The following PKP4 variants were observed in gnomAD, a reference collection of about 807,000 sequenced individuals.
The protein encoded by PKP4 is plakophilin 4.
A neutral mutation model predicts 145.1 loss-of-function variants in PKP4; 90 were observed. The ratio of observed to expected loss-of-function variants is 0.62; its 90% CI spans 0.52 to 0.74. The LOEUF is 0.74. Ranked by LOEUF, PKP4 falls within the 30% of genes least tolerant of loss-of-function variation. The probability of loss-of-function intolerance (pLI) is 0.00; values close to 1 mark genes in which losing one functional copy is unlikely to be tolerated. For missense variants in PKP4, 1,340 were observed against 1,482.7 expected (o/e 0.90, Z 1.58); for synonymous variants, 563 against 577.2 (o/e 0.98, Z 0.35).
intron 2 of PKP4, among the ~76,000 whole-genome samples, chr2:158,537,715 T>C (rs1401697452): frequency 6.6e-6 from 1 of 152,160 alleles, no homozygotes; most frequent in Non-Finnish European, 1.5e-5. Context: ...CCTAGCTTAC[T>C]CTCTTAGTTG....
At chr2:158,562,845 T>C (rs1214010409) in intron 2 of PKP4, among the ~76,000 whole-genome samples, 5 of 152,206 alleles carry the variant, frequency 3.3e-5, no homozygotes, top group African/African-American at 1.2e-4. Flanking sequence ...TTGGGTCCTC[T>C]TGCGTGTTTT....
intron 3 of PKP4, among the ~76,000 whole-genome samples, chr2:158,584,021 G>A (rs1271475051): frequency 6.6e-6 from 1 of 152,154 alleles, no homozygotes; most frequent in Non-Finnish European, 1.5e-5. Flanking sequence ...GACGGGTAAG[G>A]GGGAAGCCGC....
chr2:158,492,141 A>T (rs1695033689), intron 1 of PKP4, among the ~76,000 whole-genome samples: 1 of 151,640 alleles, frequency 6.6e-6, no homozygotes, highest in Admixed American at 6.6e-5. Context: ...TACTTTATAC[A>T]ATTTGGCTCT....
intron 1 of PKP4, among the ~76,000 whole-genome samples, chr2:158,496,118 C>A (rs79141162): frequency 0.033 from 4,970 of 151,412 alleles, 175 homozygotes; most frequent in East Asian, 0.14. Flanking sequence ...GTAGCTGGGA[C>A]TACAGGCACG....
chr2:158,579,323 C>A (rs1027645085), intron 3 of PKP4, among the ~76,000 whole-genome samples: 1 of 151,702 alleles, frequency 6.6e-6, no homozygotes, highest in Admixed American at 6.6e-5. Flanking sequence ...GGAATCCAGA[C>A]GAGAGATTAC....
chr2:158,477,541 T>A (rs1045188298), intron 1 of PKP4, among the ~76,000 whole-genome samples: 1 of 152,130 alleles, frequency 6.6e-6, no homozygotes, highest in African/African-American at 2.4e-5. Flanking sequence ...GCCTGATACC[T>A]CAGGAAGTCA....
At chr2:158,578,532 T>C (rs948804931) in intron 3 of PKP4, among the ~76,000 whole-genome samples, 6 of 152,036 alleles carry the variant, frequency 3.9e-5, no homozygotes, top group Admixed American at 3.3e-4. Context: ...AAACAAAAAT[T>C]AGCTTTAATT....
chr2:158,572,171 G>GA (rs902210534), intron 2 of PKP4, among the ~76,000 whole-genome samples: 6 of 151,848 alleles, frequency 4.0e-5, no homozygotes, highest in East Asian at 3.9e-4. Flanking sequence ...TACTGTCTTT[G>GA]AAAAAAAAGT....
chr2:158,522,239 G>A (rs2042441824), intron 1 of PKP4, among the ~76,000 whole-genome samples: 2 of 152,118 alleles, frequency 1.3e-5, no homozygotes, highest in African/African-American at 4.8e-5. Context: ...GCCATCTCTG[G>A]AAGATTTAAG....
rs182681280 is a variant in PKP4 at position 158,640,823 on chromosome 2, C to T, written c.1695+64C>T. 1.5e-5 allele frequency: 24 copies of T among 1,555,480 alleles called. No homozygotes were observed. The East Asian group carries it at 5.2e-4, about 33-fold the overall frequency. On this transcript the variant is annotated intron_variant, in intron 10 of 21. Coordinates refer to ENST00000389759, the MANE Select transcript of PKP4 (RefSeq NM_003628.6). ...TGCCTTTGCATTTAACAGCCACGTG[C>T]TTCTGTATTTAAGAAATTACCCAGT... is the stretch of plus-strand genomic sequence containing the variant.
intron 1 of PKP4, among the ~76,000 whole-genome samples, chr2:158,501,553 G>A (rs1249477870): frequency 6.6e-6 from 1 of 152,198 alleles, no homozygotes; most frequent in Non-Finnish European, 1.5e-5. Flanking sequence ...TCCATCCACA[G>A]CACATGCCCA....
At chr2:158,503,200 G>T (rs892119400) in intron 1 of PKP4, among the ~76,000 whole-genome samples, 1 of 152,226 alleles carries the variant, frequency 6.6e-6, no homozygotes, top group Non-Finnish European at 1.5e-5. Context: ...CTATGCTTCT[G>T]CTATTTCATA....
intron 1 of PKP4, among the ~76,000 whole-genome samples, chr2:158,506,278 G>T (rs1169247750): frequency 6.6e-6 from 1 of 152,172 alleles, no homozygotes; most frequent in African/African-American, 2.4e-5. Context: ...TGCAGGTTGT[G>T]GTTGAGGAGA....
Position 158,487,774 on chromosome 2 carries a change from T to TGA in PKP4, c.-6+30575_-6+30576dup, listed in dbSNP as rs145563862. ...AGAGACTTGATGGTGAAAGAAAGAC[T>TGA]GAGAGAGAGAGAGAGAGAGAAGAGA... On this transcript the variant is annotated intron_variant, in intron 1 of 21. Coordinates refer to ENST00000389759, the MANE Select transcript of PKP4 (RefSeq NM_003628.6). Among the ~76,000 whole-genome samples the TGA allele has an allele frequency of 4.0e-3, 543 of 134,870 alleles. 5 individuals carry two copies. Among genetic ancestry groups the TGA allele is most frequent in the African/African-American group, 8.2e-3 (295 of 36,008 alleles). 88.5% of individuals were successfully genotyped at this position (134,870 alleles called of 152,430 possible).
chr2:158,661,460 G>T lies in PKP4; in HGVS notation c.2211+10G>T, dbSNP rs143322313. ...CGATTACGACAGCAAGGTCAGTGCC[G>T]GCCTGGTTGCAGGAGGGCGTGGTGG... On this transcript the variant is annotated intron_variant, in intron 13 of 21. Transcript: ENST00000389759. 22,706 of 1,563,186 alleles carry T rather than the reference G, an allele frequency of 0.015. 216 individuals are homozygous for T. Among genetic ancestry groups the T allele is most frequent in the Non-Finnish European group, 0.017 (19,535 of 1,134,442 alleles).
chr2:158,601,092 T>TAATTA (rs2050186956), intron 3 of PKP4, among the ~76,000 whole-genome samples: 1 of 152,172 alleles, frequency 6.6e-6, no homozygotes, highest in Non-Finnish European at 1.5e-5. Flanking sequence ...TTTTCACAAT[T>TAATTA]TAATTAAGCA....
intron 11 of PKP4, among the ~76,000 whole-genome samples, chr2:158,653,587 AT>A (rs528650844): frequency 6.5e-4 from 99 of 152,296 alleles, no homozygotes; most frequent in African/African-American, 2.2e-3. Context: ...ACTCCCTAAT[AT>A]TTTCTAAATT....
intron 11 of PKP4, among the ~76,000 whole-genome samples, chr2:158,646,104 C>G (rs1432976068): frequency 6.6e-6 from 1 of 152,172 alleles, no homozygotes; most frequent in African/African-American, 2.4e-5. Context: ...ATATCAATCA[C>G]TTCTAATGTA....
At chr2:158,631,646 C>A in intron 7 of PKP4, 107 bp from the exon 8 acceptor site, 1 of 955,782 alleles carries the variant, frequency 1.0e-6, no homozygotes, top group Non-Finnish European at 1.7e-6. Flanking sequence ...CCACCTCTGT[C>A]TCCCAAAGTG....
Sources: allele counts gnomAD v4.1 joint callset (sites outside exome capture counted in the v4.1 genomes callset), GRCh38; gene constraint gnomAD v4.1.1; transcripts MANE v1.5; gene names NCBI Gene and HGNC (gene_info 2026-07-23, HGNC 2026-07-21).